The following MACC1 variants were observed in gnomAD, a reference collection of about 807,000 sequenced individuals.
MACC1 encodes metastasis-associated in colon cancer protein 1.
A neutral mutation model predicts 70.7 loss-of-function variants in MACC1; 79 were observed. The observed-to-expected ratio is 1.12, with a 90% CI of 0.93 to 1.35. The LOEUF is 1.35. Among genes scored for constraint, MACC1 ranks in the 40% most tolerant of loss-of-function variants. The pLI is 0.00. For missense variants in MACC1, 1,106 were observed against 978.1 expected (o/e 1.13, Z -1.74); for synonymous variants, 361 against 347.2 (o/e 1.04, Z -0.44).
chr7:20,184,500 C>T (rs1373734531), intron 1 of MACC1, among the ~76,000 whole-genome samples: 1 of 152,206 alleles, frequency 6.6e-6, no homozygotes, highest in Admixed American at 6.5e-5. Context: ...TCTTAGCTAA[C>T]TACTTCACTA....
chr7:20,135,472 C>T lies in MACC1; in HGVS notation c.*5474G>A, dbSNP rs1781707314. The stretch of plus-strand genomic sequence containing the variant: ...TTAGAGGACTTATAAAAAATCTTTC[C>T]ATTTCTATAGAGATGAAGGAAATTT... On this transcript the variant is annotated 3_prime_UTR_variant, in exon 7 of 7. Coordinates refer to ENST00000400331, the MANE Select transcript of MACC1 (RefSeq NM_182762.4). The T allele has an allele frequency of 6.6e-6, 1 of 152,116 alleles. No homozygotes were observed. The highest frequency in any genetic ancestry group is 2.1e-4 in the South Asian group (1 of 4,822). The allele number at this position is 152,116 out of a possible 1,614,324, so 9.4% of individuals were successfully genotyped here. A position where few individuals can be genotyped will look rare whatever the true frequency, so the allele number is the denominator to read the frequency against.
At chr7:20,143,428 G>A (rs971182197) in intron 6 of MACC1, among the ~76,000 whole-genome samples, 3 of 152,076 alleles carry the variant, frequency 2.0e-5, no homozygotes, top group South Asian at 2.1e-4. Context: ...TGGCTCTGTC[G>A]CCCAGGCTGG....
At position 20,138,855 on chromosome 7, in the gene MACC1, G is replaced by C. The variant is rs368778613; in HGVS notation, c.*2091C>G. The C allele has an allele frequency of 6.6e-6, 1 of 152,098 alleles. No homozygotes were observed. Among genetic ancestry groups the C allele is most frequent in the Non-Finnish European group, 1.5e-5 (1 of 68,020 alleles). 9.4% of individuals were successfully genotyped at this position (152,098 alleles called of 1,614,324 possible). ...GCCCGGCTAATTTTTTGTATTTTTA[G>C]TAGAGACGGGGTTTCACCGCGTTAG... On this transcript the variant is annotated 3_prime_UTR_variant, in exon 7 of 7. Transcript: ENST00000400331.
chr7:20,139,929 A>G lies in MACC1; in HGVS notation c.*1017T>C, dbSNP rs915448830. 1 of 152,096 alleles carries G rather than the reference A, an allele frequency of 6.6e-6. No homozygotes were observed. Among genetic ancestry groups the G allele is most frequent in the African/African-American group, 2.4e-5 (1 of 41,420 alleles). The allele number at this position is 152,096 out of a possible 1,614,324, so 9.4% of individuals were successfully genotyped here. A position where few individuals can be genotyped will look rare whatever the true frequency, so the allele number is the denominator to read the frequency against. On this transcript the variant is annotated 3_prime_UTR_variant, in exon 7 of 7. Transcript: ENST00000400331. ...TCGGTGGTTAAGACCTCTCTACTCA[A>G]CAGGGTAATCAAGTTAATCAAGTTT... is the stretch of plus-strand genomic sequence containing the variant.
intron 4 of MACC1, 68 bp downstream of exon 4, chr7:20,161,680 C>A (rs1782140493): frequency 2.2e-6 from 2 of 929,432 alleles, no homozygotes; most frequent in Admixed American, 3.8e-5. Context: ...GGTAGACCTT[C>A]AACAATTATT....
chr7:20,196,257 T>G (rs934774652), intron 1 of MACC1, among the ~76,000 whole-genome samples: 1 of 152,178 alleles, frequency 6.6e-6, no homozygotes, highest in African/African-American at 2.4e-5. Context: ...CTCGGCTCAC[T>G]GCAAGCTCCG....
intron 6 of MACC1, among the ~76,000 whole-genome samples, chr7:20,150,263 G>C (rs1031432849): frequency 1.3e-5 from 2 of 152,064 alleles, no homozygotes; most frequent in Non-Finnish European, 2.9e-5. Context: ...CCAATGTCCA[G>C]AACTGATAGA....
chr7:20,178,936 C>T (rs1158672275), intron 1 of MACC1, among the ~76,000 whole-genome samples: 1 of 152,094 alleles, frequency 6.6e-6, no homozygotes, highest in Non-Finnish European at 1.5e-5. Context: ...GAACTCATAC[C>T]TTTCTTCAAT....
At chr7:20,209,527 G>T (rs768927462) in intron 1 of MACC1, among the ~76,000 whole-genome samples, 3 of 152,236 alleles carry the variant, frequency 2.0e-5, no homozygotes, top group Non-Finnish European at 2.9e-5. Flanking sequence ...TTTGGAATGG[G>T]TGTATTTAAC....
At chr7:20,182,232 C>A (rs886779580) in intron 1 of MACC1, among the ~76,000 whole-genome samples, 1 of 151,422 alleles carries the variant, frequency 6.6e-6, no homozygotes, top group Non-Finnish European at 1.5e-5. Flanking sequence ...AGGAGATATA[C>A]CTAATGTTAA....
Position 20,213,447 on chromosome 7 carries a change from A to G in MACC1, c.-218+3852T>C, listed in dbSNP as rs144550262. Among the ~76,000 whole-genome samples the G allele has an allele frequency of 2.2e-4, 33 of 152,346 alleles. 1 individual carries two copies. Among genetic ancestry groups the G allele is most frequent in the African/African-American group, 7.5e-4 (31 of 41,580 alleles). ...TGGGTATATAACCAAAGGAATATGA[A>G]TCATCCTATTATGAAGACATATGCA... On this transcript the variant is annotated intron_variant, in intron 1 of 6. Transcript: ENST00000400331.
chr7:20,158,899 G>C lies in MACC1; in HGVS notation c.1462C>G (p.Gln488Glu), dbSNP rs1265714593. The change falls in exon 5 of 7, where the codon CAA becomes GAA. Residue 488 changes from glutamine to glutamate, a missense_variant. By Grantham distance (29) the Gln-to-Glu change is conservative. Transcript: ENST00000400331. ...GGTTCACCATTGGGAGGCTCCACTT[G>C]AACACAAAAATCAAACAAGTGCATC... Reference protein sequence around the residue: ...REMHLFDFCVQVEPPNGEPVA... With the variant: ...REMHLFDFCVEVEPPNGEPVA... The C allele has an allele frequency of 6.2e-7, 1 of 1,613,794 alleles. No individual in the cohort carries two copies. The highest frequency in any genetic ancestry group is 8.5e-7 in the Non-Finnish European group (1 of 1,179,986).
At chr7:20,181,354 G>A (rs535781786) in intron 1 of MACC1, among the ~76,000 whole-genome samples, 1 of 152,098 alleles carries the variant, frequency 6.6e-6, no homozygotes, top group East Asian at 1.9e-4. Context: ...AAATATTGTA[G>A]TGAAATTCCA....
At chr7:20,150,571 C>A (rs575910809) in intron 6 of MACC1, 15 of 152,178 alleles carry the variant, frequency 9.9e-5, no homozygotes, top group African/African-American at 3.4e-4. Flanking sequence ...TACATCTTCC[C>A]AATTATGAAT....
At chr7:20,185,398 A>T (rs1782570847) in intron 1 of MACC1, among the ~76,000 whole-genome samples, 1 of 152,202 alleles carries the variant, frequency 6.6e-6, no homozygotes, top group African/African-American at 2.4e-5. Flanking sequence ...GTAATCATAG[A>T]AAAGAGACAA....
intron 1 of MACC1, among the ~76,000 whole-genome samples, chr7:20,193,980 A>C (rs1039090135): frequency 2.6e-5 from 4 of 152,194 alleles, no homozygotes; most frequent in African/African-American, 4.8e-5. Context: ...GGTAGAGCAG[A>C]AACAGCAAGA....
chr7:20,200,823 A>G lies in MACC1; in HGVS notation c.-218+16476T>C, dbSNP rs147268614. Among the ~76,000 whole-genome samples, 3 of 152,290 alleles carry G rather than the reference A, an allele frequency of 2.0e-5. No individual in the cohort carries two copies. The East Asian group carries it at 5.8e-4, about 29-fold the overall frequency. ...CTTCCAGGCAGGGTGGATATCCAGT[A>G]AGAATACCTGAGTACCATACACTGG... On this transcript the variant is annotated intron_variant, in intron 1 of 6. Coordinates refer to ENST00000400331, the MANE Select transcript of MACC1 (RefSeq NM_182762.4).
At chr7:20,184,660 C>T (rs996222178) in intron 1 of MACC1, among the ~76,000 whole-genome samples, 4 of 152,136 alleles carry the variant, frequency 2.6e-5, no homozygotes, top group Non-Finnish European at 5.9e-5. Flanking sequence ...TATAATTCAG[C>T]TCCTTGTATG....
chr7:20,215,678 C>A (rs2128110054), intron 1 of MACC1, among the ~76,000 whole-genome samples: 1 of 152,250 alleles, frequency 6.6e-6, no homozygotes, highest in Admixed American at 6.5e-5. Context: ...GACACCTAGG[C>A]ATATGTGTGG....
Sources: allele counts gnomAD v4.1 joint callset (sites outside exome capture counted in the v4.1 genomes callset), GRCh38; gene constraint gnomAD v4.1.1; transcripts MANE v1.5; gene names NCBI Gene and HGNC (gene_info 2026-07-23, HGNC 2026-07-21).